CPM: variants seen among roughly 807,000 people sequenced by gnomAD.
CPM encodes carboxypeptidase M.
Under a neutral mutation model 46.4 loss-of-function variants are expected in CPM, and 35 were observed. That is an observed-to-expected ratio of 0.75 (90% CI 0.58 to 1.00). The LOEUF is 1.00. Ranked by LOEUF, CPM falls within the 50% of genes least tolerant of loss-of-function variation. The probability of loss-of-function intolerance (pLI) is 0.00; values close to 1 mark genes in which losing one functional copy is unlikely to be tolerated. For synonymous variants in CPM, 195 were observed against 195.3 expected (o/e 1.00, Z 0.01); for missense variants, 422 against 530.4 (o/e 0.80, Z 2.01).
intron 2 of CPM, chr12:68,914,085 AT>A: frequency 1.7e-6 from 1 of 591,536 alleles, no homozygotes. Flanking sequence ...AATCTGGGTA[AT>A]TACAAACAGA....
chr12:68,934,089 C>T (rs1010797307), upstream of CPM, among the ~76,000 whole-genome samples: 3 of 152,104 alleles, frequency 2.0e-5, no homozygotes, highest in Non-Finnish European at 4.4e-5. Context: ...CATTCTCATT[C>T]ATTCTCTCTC....
chr12:68,891,029 C>G (rs1434254577), intron 2 of CPM, among the ~76,000 whole-genome samples: 1 of 152,244 alleles, frequency 6.6e-6, no homozygotes, highest in Non-Finnish European at 1.5e-5. Flanking sequence ...CACCTCTGAC[C>G]TAAGTCCAAG....
intron 7 of CPM, among the ~76,000 whole-genome samples, chr12:68,865,618 C>CCA (rs144954850): frequency 0.19 from 28,571 of 150,894 alleles, 3,048 homozygotes; most frequent in African/African-American, 0.29. Flanking sequence ...CCACACACAC[C>CCA]CACACACACA....
chr12:68,939,257 T>C (rs892547378), intron 1 of CPM, among the ~76,000 whole-genome samples: 3 of 147,446 alleles, frequency 2.0e-5, no homozygotes, highest in Non-Finnish European at 4.5e-5. Context: ...ATGATGTATA[T>C]ACTTATGTAT....
At chr12:68,890,003 GA>G (rs1263792039) in intron 2 of CPM, among the ~76,000 whole-genome samples, 1 of 152,134 alleles carries the variant, frequency 6.6e-6, no homozygotes, top group African/African-American at 2.4e-5. Flanking sequence ...ACTTGGGGCT[GA>G]TGCCATTTTA....
intron 2 of CPM, among the ~76,000 whole-genome samples, chr12:68,891,167 T>C (rs535347871): frequency 3.9e-4 from 60 of 152,356 alleles, no homozygotes; most frequent in Non-Finnish European, 3.5e-4. Context: ...TCCAAAGATC[T>C]GACATCAATT....
At chr12:68,927,127 A>G (rs886233232) in intron 2 of CPM, among the ~76,000 whole-genome samples, 6 of 151,680 alleles carry the variant, frequency 4.0e-5, no homozygotes, top group African/African-American at 1.2e-4. Flanking sequence ...TAGATCCCTG[A>G]GGAATCGCCA....
At chr12:68,925,047 A>C (rs1888202544) in intron 2 of CPM, among the ~76,000 whole-genome samples, 2 of 152,200 alleles carry the variant, frequency 1.3e-5, no homozygotes, top group Admixed American at 6.5e-5. Context: ...GGGCAAGAGA[A>C]ATAAATTCTC....
chr12:68,920,756 TCTCGG>T (rs896553972), intron 2 of CPM, among the ~76,000 whole-genome samples: 6 of 150,254 alleles, frequency 4.0e-5, no homozygotes, highest in African/African-American at 1.5e-4. Context: ...AGTGGCACAG[TCTCGG>T]CTCACTGTAA....
chr12:68,883,920 C>A (rs1210544335), intron 3 of CPM, among the ~76,000 whole-genome samples: 1 of 132,560 alleles, frequency 7.5e-6, no homozygotes, highest in Non-Finnish European at 1.6e-5. Flanking sequence ...AATGGTGAAA[C>A]CCCCATCTCT....
chr12:68,871,746 T>G, intron 4 of CPM, 38 bp downstream of exon 4: 1 of 1,610,448 alleles, frequency 6.2e-7, no homozygotes, highest in South Asian at 1.1e-5. Context: ...CTTTGTGTTG[T>G]GTTGTTTTCA....
chr12:68,908,975 T>C (rs1387747494), intron 2 of CPM, among the ~76,000 whole-genome samples: 1 of 152,218 alleles, frequency 6.6e-6, no homozygotes, highest in Non-Finnish European at 1.5e-5. Context: ...GGGTTTGTGT[T>C]TGTTCATCTG....
rs1404176710 is a variant in CPM, at chr12:68,853,192, T to C, written c.*3245A>G. On this transcript the variant is annotated 3_prime_UTR_variant, in exon 9 of 9. Coordinates refer to ENST00000551568, the MANE Select transcript of CPM (RefSeq NM_198320.5). Reference sequence around the variant, plus strand: ...ACTAATTCAGATTTTTGTTCGTGTCTCTTCAAAAATTGCTATCTTAGAAAA... The same window carrying C: ...ACTAATTCAGATTTTTGTTCGTGTCCCTTCAAAAATTGCTATCTTAGAAAA... The C allele has an allele frequency of 1.3e-5, 2 of 152,166 alleles. No homozygotes were observed. Among genetic ancestry groups the C allele is most frequent in the African/African-American group, 4.8e-5 (2 of 41,392 alleles). The allele number at this position is 152,166 out of a possible 1,614,324, so 9.4% of individuals were successfully genotyped here.
intron 3 of CPM, among the ~76,000 whole-genome samples, chr12:68,880,770 AT>A (rs1360672691): frequency 6.6e-6 from 1 of 152,174 alleles, no homozygotes; most frequent in Non-Finnish European, 1.5e-5. Flanking sequence ...GAGGCCTAAA[AT>A]GCACTTATTG....
intron 2 of CPM, among the ~76,000 whole-genome samples, chr12:68,914,687 G>A (rs954575759): frequency 3.3e-5 from 5 of 152,142 alleles, no homozygotes; most frequent in African/African-American, 1.2e-4. Flanking sequence ...AGAATCAGCT[G>A]CTCTGATTTA....
At chr12:68,927,627 G>A (rs1888325133) in intron 2 of CPM, among the ~76,000 whole-genome samples, 1 of 152,118 alleles carries the variant, frequency 6.6e-6, no homozygotes, top group South Asian at 2.1e-4. Context: ...TTTTAGACAT[G>A]AAGTCCTTGC....
At chr12:68,921,295 C>T (rs1468084495) in intron 2 of CPM, among the ~76,000 whole-genome samples, 2 of 152,030 alleles carry the variant, frequency 1.3e-5, no homozygotes, top group Middle Eastern at 3.4e-3. Flanking sequence ...GCACCTGCCA[C>T]CATGCCCGGC....
chr12:68,907,122 C>A (rs61290023), intron 2 of CPM, among the ~76,000 whole-genome samples: 15,104 of 152,208 alleles, frequency 0.099, 836 homozygotes, highest in East Asian at 0.17. Flanking sequence ...TGCACCAGAG[C>A]AGTGGCTCTG....
At chr12:68,865,871 G>C (rs1885419613) in intron 7 of CPM, among the ~76,000 whole-genome samples, 1 of 152,162 alleles carries the variant, frequency 6.6e-6, no homozygotes, top group Admixed American at 6.5e-5. Flanking sequence ...TCTAAGTATA[G>C]CCGCTGGACC....
Sources: gnomAD v4.1 joint callset for allele counts (sites outside exome capture counted in the v4.1 genomes callset) on GRCh38, gnomAD v4.1.1 for gene constraint, MANE v1.5 for transcripts, NCBI Gene and HGNC (gene_info 2026-07-23, HGNC 2026-07-21) for gene names.